The following CRAMP1 variants were observed in gnomAD, a reference collection of about 807,000 sequenced individuals.
CRAMP1 encodes the protein cramped chromatin regulator 1.
A neutral mutation model predicts 115.4 loss-of-function variants in CRAMP1; 50 were observed. The ratio of observed to expected loss-of-function variants is 0.43; its 90% CI spans 0.35 to 0.55. CRAMP1 has a LOEUF of 0.55. Among genes scored for constraint, CRAMP1 ranks in the 20% least tolerant of loss-of-function variants. CRAMP1 has a pLI of 0.01. For missense variants in CRAMP1, 1,679 were observed against 1,721.7 expected (o/e 0.98, Z 0.44); for synonymous variants, 866 against 745.4 (o/e 1.16, Z -2.64).
chr16:1,655,068 C>A, intron 8 of CRAMP1, 151 bp from the exon 9 acceptor site: 2 of 648,198 alleles, frequency 3.1e-6, no homozygotes, highest in Non-Finnish European at 5.6e-6. Context: ...CCACAGGAGC[C>A]AAGGGCCCTG....
chr16:1,666,284 C>A lies in CRAMP1; in HGVS notation c.2857+107C>A. 1 of 1,166,768 alleles carries A rather than the reference C, an allele frequency of 8.6e-7. No individual in the cohort carries two copies. Among genetic ancestry groups the A allele is most frequent in the Non-Finnish European group, 1.2e-6 (1 of 803,258 alleles). The allele number at this position is 1,166,768 out of a possible 1,614,324, so 72.3% of individuals were successfully genotyped here. A position where few individuals can be genotyped will look rare whatever the true frequency, so the allele number is the denominator to read the frequency against. On this transcript the variant is annotated intron_variant, in intron 15 of 20. Transcript: ENST00000397412. The surrounding 1 kb of genome is among the most constrained non-coding windows in gnomAD (Gnocchi z 5.0). ...TTCTCCAAATCATAATGTCTCATTA[C>A]CCTTCACCAAGAACATCTAAGCCCT...
In CRAMP1 at chr16:1,653,121, C is replaced by T. The variant is rs1303294826; in HGVS notation, c.1002C>T (p.Ala334=). ...AGCCGCGGAACAACCACGCCTGGGC[C>T]CGTGTGCAGAGCCTTGCCCAGAACC... ...ELQPRNNHAW[A]RVQSLAQNPR... The change falls in exon 8 of 21, where the codon GCC becomes GCT. Residue 334 remains alanine (A), a synonymous_variant. Transcript: ENST00000397412. 2 of 1,611,200 alleles carry T rather than the reference C, an allele frequency of 1.2e-6. No individual in the cohort carries two copies.
At chr16:1,667,818 T>C (rs2036889062) in intron 17 of CRAMP1, 144 bp from the exon 18 acceptor site, 1 of 619,782 alleles carries the variant, frequency 1.6e-6, no homozygotes, top group Admixed American at 2.8e-5. Flanking sequence ...CCGAGTGTGT[T>C]CCTGAGTTGG....
At chr16:1,651,602 G>C (rs536890112) in intron 6 of CRAMP1, among the ~76,000 whole-genome samples, 3 of 151,142 alleles carry the variant, frequency 2.0e-5, no homozygotes, top group South Asian at 4.2e-4. Context: ...AGGTCACACA[G>C]AGGTCATGGG....
At chr16:1,649,774 C>CA (rs1255875755) in intron 6 of CRAMP1, among the ~76,000 whole-genome samples, 1 of 141,836 alleles carries the variant, frequency 7.1e-6, no homozygotes, top group African/African-American at 2.7e-5. Context: ...CAACAGTAGG[C>CA]ATGAGCCACT....
At chr16:1,640,913 CAG>C (rs1453541534) in intron 5 of CRAMP1, among the ~76,000 whole-genome samples, 1 of 152,136 alleles carries the variant, frequency 6.6e-6, no homozygotes, top group East Asian at 1.9e-4. Flanking sequence ...GGGGGCCAGG[CAG>C]GGGCGTGCCA....
chr16:1,671,611 C>T lies in CRAMP1; in HGVS notation c.3645+802C>T, dbSNP rs755985297. ...GGAACTCCAGGTCCAGGAGATCATCCGCATGGGCTTAGCCCATGTGAAAGT... is the reference window on the plus strand; with the variant it reads ...GGAACTCCAGGTCCAGGAGATCATCTGCATGGGCTTAGCCCATGTGAAAGT... On this transcript the variant is annotated intron_variant, in intron 20 of 20. Coordinates refer to ENST00000397412, the MANE Select transcript of CRAMP1 (RefSeq NM_020825.4). This position sits in a 1 kb window ranked among gnomAD's most constrained non-coding sequence, Gnocchi z 5.0. Among the ~76,000 whole-genome samples the T allele has an allele frequency of 1.2e-4, 18 of 152,142 alleles. No homozygotes were observed. The highest frequency in any genetic ancestry group is 3.2e-3 in the Middle Eastern group (1 of 316).
At chr16:1,631,845 G>C (rs2036550311) in intron 3 of CRAMP1, among the ~76,000 whole-genome samples, 4 of 152,214 alleles carry the variant, frequency 2.6e-5, no homozygotes, top group Admixed American at 1.3e-4. Context: ...TGCCATAACT[G>C]CTTCTCTTCC....
chr16:1,618,543 C>T (rs1221373340), intron 2 of CRAMP1, among the ~76,000 whole-genome samples: 1 of 152,168 alleles, frequency 6.6e-6, no homozygotes, highest in Non-Finnish European at 1.5e-5. Flanking sequence ...TGGTCCCCCT[C>T]TCACCCCGAA....
chr16:1,627,879 C>T (rs759365193), intron 3 of CRAMP1, among the ~76,000 whole-genome samples: 15 of 152,124 alleles, frequency 9.9e-5, no homozygotes, highest in South Asian at 2.1e-4. Context: ...AATCAGCAAC[C>T]ATTGCTGATT....
At position 1,672,754 on chromosome 16, in the gene CRAMP1, C is replaced by T. The variant is rs1346926754; in HGVS notation, c.3646-1127C>T. Among the ~76,000 whole-genome samples, 2 of 152,142 alleles carry T rather than the reference C, an allele frequency of 1.3e-5. No homozygotes were observed. The highest frequency in any genetic ancestry group is 2.4e-5 in the African/African-American group (1 of 41,420). On this transcript the variant is annotated intron_variant, in intron 20 of 20. Coordinates refer to ENST00000397412, the MANE Select transcript of CRAMP1 (RefSeq NM_020825.4). The surrounding 1 kb of genome is among the most constrained non-coding windows in gnomAD (Gnocchi z 4.9). ...ATGAGGCTTCTACTCTAGAGCAGGA[C>T]GCAGACAATAAGCGCTGAAAACGGC...
At chr16:1,635,713 CA>C (rs2036583616) in intron 4 of CRAMP1, among the ~76,000 whole-genome samples, 2 of 152,194 alleles carry the variant, frequency 1.3e-5, no homozygotes, top group Non-Finnish European at 1.5e-5. Flanking sequence ...CCTTTTAAAG[CA>C]TACAACTTAG....
chr16:1,639,022 G>A (rs1175121602), intron 5 of CRAMP1, among the ~76,000 whole-genome samples: 4 of 151,994 alleles, frequency 2.6e-5, no homozygotes, highest in East Asian at 1.9e-4. Flanking sequence ...TGTTCCTGCC[G>A]CCTCTCATCT....
intron 5 of CRAMP1, 52 bp downstream of exon 5, chr16:1,637,959 C>A: frequency 1.1e-6 from 1 of 934,482 alleles, no homozygotes; most frequent in Non-Finnish European, 1.5e-6. Context: ...CCTTTGTCAC[C>A]TTTGGGCTTT....
At chr16:1,639,003 C>T (rs146748178) in intron 5 of CRAMP1, among the ~76,000 whole-genome samples, 338 of 152,198 alleles carry the variant, frequency 2.2e-3, no homozygotes, top group African/African-American at 7.9e-3. Flanking sequence ...TGTCCCAGCT[C>T]TTCATGCCTG....
intron 6 of CRAMP1, among the ~76,000 whole-genome samples, chr16:1,647,893 A>G (rs2142191594): frequency 6.6e-6 from 1 of 152,092 alleles, no homozygotes; most frequent in East Asian, 1.9e-4. Flanking sequence ...CCTGTCTTAC[A>G]GCTTCCAGGC....
In CRAMP1 at chr16:1,669,218, G is replaced by A. The variant is rs939563176; in HGVS notation, c.3499+53G>A. On this transcript the variant is annotated intron_variant, in intron 19 of 20. Coordinates refer to ENST00000397412, the MANE Select transcript of CRAMP1 (RefSeq NM_020825.4). This position sits in a 1 kb window ranked among gnomAD's most constrained non-coding sequence, Gnocchi z 4.6. ...CCTTTTCCAGGGCAGCAGGGGCTGG[G>A]GTCTGCGGGACACTGGATTCTCATT... 1.4e-6 allele frequency: 2 copies of A among 1,386,268 alleles called. No homozygotes were observed. The highest frequency in any genetic ancestry group is 2.6e-5 in the East Asian group (1 of 39,004). The allele number at this position is 1,386,268 out of a possible 1,614,324, so 85.9% of individuals were successfully genotyped here. A position where few individuals can be genotyped will look rare whatever the true frequency, so the allele number is the denominator to read the frequency against.
rs1028695296 is a variant in CRAMP1 at position 1,657,596 on chromosome 16, C to T, written c.2235+604C>T. ...AGGCTGTCACAGAAGAGCAGGGATG[C>T]GGTGCCGCAGCAGAATAGTGGAGCT... On this transcript the variant is annotated intron_variant, in intron 10 of 20. Transcript: ENST00000397412. Among the ~76,000 whole-genome samples the T allele has an allele frequency of 5.9e-5, 9 of 152,308 alleles. No homozygotes were observed. In the East Asian group the frequency reaches 1.3e-3, roughly 23 times the overall value.
intron 3 of CRAMP1, among the ~76,000 whole-genome samples, chr16:1,630,048 G>C (rs1045000591): frequency 6.6e-6 from 1 of 152,128 alleles, no homozygotes; most frequent in Non-Finnish European, 1.5e-5. Flanking sequence ...AGGGTTGGGG[G>C]CCAGCACCCC....
Sources: gnomAD v4.1 joint callset for allele counts (sites outside exome capture counted in the v4.1 genomes callset) on GRCh38, gnomAD v4.1.1 for gene constraint, Gnocchi (gnomAD v3.1) non-coding constraint, MANE v1.5 for transcripts, NCBI Gene and HGNC (gene_info 2026-07-23, HGNC 2026-07-21) for gene names.